Variants in CLASP2 observed in about 807,000 individuals in gnomAD.
The protein encoded by CLASP2 is cytoplasmic linker associated protein 2, also known as CLIP-associating protein 2.
In CLASP2, 47 loss-of-function variants were observed where a neutral mutation model predicts 194.4. The ratio of observed to expected loss-of-function variants is 0.24; its 90% CI spans 0.19 to 0.31. The LOEUF (loss-of-function observed/expected upper bound fraction) is 0.31. CLASP2 is among the 10% of genes least tolerant of loss of function. The pLI is 1.00. For synonymous variants in CLASP2, 619 were observed against 633.5 expected (o/e 0.98, Z 0.34); for missense variants, 1,445 against 1,823.6 (o/e 0.79, Z 3.78).
chr3:33,672,003 C>A (rs1004896382), intron 6 of CLASP2, among the ~76,000 whole-genome samples: 14 of 151,934 alleles, frequency 9.2e-5, no homozygotes, highest in Admixed American at 8.5e-4. Context: ...TAGGCTCCAC[C>A]TCTGGGGGCA....
chr3:33,552,277 C>A (rs1443520131), intron 29 of CLASP2, among the ~76,000 whole-genome samples: 1 of 152,092 alleles, frequency 6.6e-6, no homozygotes, highest in African/African-American at 2.4e-5. Flanking sequence ...CGCCACTACA[C>A]CCAGCTAATT....
intron 34 of CLASP2, among the ~76,000 whole-genome samples, chr3:33,523,490 T>C (rs1194833828): frequency 3.9e-5 from 6 of 151,990 alleles, no homozygotes; most frequent in African/African-American, 1.4e-4. Context: ...ACGTTGGAGG[T>C]CAGAAGGTAG....
chr3:33,690,748 C>T (rs919599974), intron 2 of CLASP2, among the ~76,000 whole-genome samples: 5 of 152,172 alleles, frequency 3.3e-5, no homozygotes, highest in African/African-American at 4.8e-5. Context: ...CCGCTCCATT[C>T]GGTATGGGAT....
At chr3:33,522,462 T>C (rs894800324) in intron 34 of CLASP2, among the ~76,000 whole-genome samples, 1 of 152,134 alleles carries the variant, frequency 6.6e-6, no homozygotes, top group Admixed American at 6.5e-5. Flanking sequence ...TGATTTCCAA[T>C]GTAACCACAT....
chr3:33,692,403 C>T (rs2091450965), intron 2 of CLASP2, among the ~76,000 whole-genome samples: 1 of 152,070 alleles, frequency 6.6e-6, no homozygotes, highest in Non-Finnish European at 1.5e-5. Context: ...TATTAAAAAC[C>T]ATTTTACGAA....
At chr3:33,709,894 CAT>C (rs1398647251) in intron 1 of CLASP2, among the ~76,000 whole-genome samples, 1 of 152,156 alleles carries the variant, frequency 6.6e-6, no homozygotes, top group African/African-American at 2.4e-5. Flanking sequence ...GAACCCTGCA[CAT>C]GTGACATCAA....
At chr3:33,593,031 C>T (rs2069200705) in intron 20 of CLASP2, among the ~76,000 whole-genome samples, 1 of 152,172 alleles carries the variant, frequency 6.6e-6, no homozygotes, top group Non-Finnish European at 1.5e-5. Flanking sequence ...CTCTCTTCCT[C>T]CAATCAACTA....
intron 34 of CLASP2, among the ~76,000 whole-genome samples, chr3:33,531,207 T>G (rs2056213813): frequency 6.6e-6 from 1 of 152,124 alleles, no homozygotes; most frequent in South Asian, 2.1e-4. Context: ...TTAAAGTTAA[T>G]GAAAATTAAA....
chr3:33,703,041 G>C (rs2092474112), intron 1 of CLASP2, among the ~76,000 whole-genome samples: 1 of 152,144 alleles, frequency 6.6e-6, no homozygotes. Context: ...AATTGACCTT[G>C]ATGTGGCAAT....
chr3:33,576,088 C>G (rs1176126077), intron 24 of CLASP2, 81 bp downstream of exon 24: 1 of 1,058,634 alleles, frequency 9.4e-7, no homozygotes, highest in Non-Finnish European at 1.4e-6. Context: ...CAACCCCTTT[C>G]CCACATGGAT....
intron 2 of CLASP2, among the ~76,000 whole-genome samples, chr3:33,692,093 C>T (rs2091416530): frequency 6.6e-6 from 1 of 152,072 alleles, no homozygotes; most frequent in African/African-American, 2.4e-5. Flanking sequence ...GGTTTGAGCC[C>T]AGGAGGCAGA....
intron 30 of CLASP2, among the ~76,000 whole-genome samples, chr3:33,546,508 AG>A (rs2059172697): frequency 6.6e-6 from 1 of 152,226 alleles, no homozygotes; most frequent in Non-Finnish European, 1.5e-5. Flanking sequence ...ACATACATAC[AG>A]ATTTTAAAAA....
chr3:33,672,466 A>G (rs1287352869), intron 6 of CLASP2, among the ~76,000 whole-genome samples: 1 of 152,206 alleles, frequency 6.6e-6, no homozygotes, highest in Non-Finnish European at 1.5e-5. Context: ...ATCAAAGACC[A>G]AAAGTAGATA....
intron 4 of CLASP2, 84 bp downstream of exon 4, chr3:33,688,192 AT>A: frequency 1.0e-6 from 1 of 958,376 alleles, no homozygotes; most frequent in Non-Finnish European, 1.5e-6. Flanking sequence ...TGTTATTACC[AT>A]AGCTTTCCTT....
chr3:33,666,684 T>TG (rs2086234572), intron 6 of CLASP2, among the ~76,000 whole-genome samples: 4 of 152,196 alleles, frequency 2.6e-5, no homozygotes, highest in Non-Finnish European at 5.9e-5. Flanking sequence ...TGTGTGTAGG[T>TG]TTTTGTGAGG....
At position 33,576,163 on chromosome 3, in the gene CLASP2, G is replaced by C. The variant is rs1007240487; in HGVS notation, c.2454+6C>G. ...TTTATAATGATAAGAAAATGGAGAA[G>C]AGTACCAAGGCATCTGCCACCGCCT... On this transcript the variant is annotated splice_donor_region_variant and intron_variant, in intron 24 of 38. Coordinates refer to ENST00000682230, the MANE Select transcript of CLASP2 (RefSeq NM_001365631.1). The C allele has an allele frequency of 2.5e-6, 4 of 1,606,622 alleles. No individual in the cohort carries two copies. Among genetic ancestry groups the C allele is most frequent in the Non-Finnish European group, 2.6e-6 (3 of 1,173,408 alleles).
rs1445418944 is a variant in CLASP2 at position 33,516,155 on chromosome 3, A to C, written c.3982-4T>G. 6.3e-7 allele frequency: 1 copy of C among 1,590,912 alleles called. No homozygotes were observed. The highest frequency in any genetic ancestry group is 8.5e-7 in the Non-Finnish European group (1 of 1,172,256). ...ATGCCAAAGCCCTGATTGTAGGCTA[A>C]GAAGAAACATTTAAATGTTTTTAAT... On this transcript the variant is annotated splice_polypyrimidine_tract_variant and splice_region_variant and intron_variant, in intron 35 of 38. Transcript: ENST00000682230.
chr3:33,536,698 C>T (rs1257764658), intron 33 of CLASP2, among the ~76,000 whole-genome samples: 8 of 152,004 alleles, frequency 5.3e-5, no homozygotes, highest in Non-Finnish European at 1.2e-4. Flanking sequence ...ATCAAGGAGG[C>T]CAAATTTTAA....
chr3:33,546,315 T>C (rs1488243757), intron 30 of CLASP2, among the ~76,000 whole-genome samples: 12 of 152,208 alleles, frequency 7.9e-5, no homozygotes, highest in Admixed American at 7.9e-4. Flanking sequence ...TGGACCTTCC[T>C]TCATGTTCCA....
Sources: allele counts gnomAD v4.1 joint callset (sites outside exome capture counted in the v4.1 genomes callset), GRCh38; gene constraint gnomAD v4.1.1; transcripts MANE v1.5; gene names NCBI Gene and HGNC (gene_info 2026-07-23, HGNC 2026-07-21).